The following TXNDC16 variants were observed in gnomAD, a reference collection of about 807,000 sequenced individuals.
TXNDC16 encodes thioredoxin domain-containing protein 16.
TXNDC16 carries 74 observed loss-of-function variants against 85.6 expected under a neutral mutation model. The ratio of observed to expected loss-of-function variants is 0.86; its 90% confidence interval spans 0.72 to 1.05. The LOEUF (loss-of-function observed/expected upper bound fraction) is 1.05, where lower values mean the gene tolerates loss of function less well. Ranked by LOEUF, TXNDC16 falls within the 50% of genes least tolerant of loss-of-function variation. The probability of loss-of-function intolerance (pLI) is 0.00; values close to 1 mark genes in which losing one functional copy is unlikely to be tolerated. For missense variants in TXNDC16, 959 were observed against 947.0 expected, an observed-to-expected ratio of 1.01 and a Z score of -0.17; for synonymous variants, 335 against 326.5, an observed-to-expected ratio of 1.03 and a Z score of -0.28.
intron 9 of TXNDC16, among the ~76,000 whole-genome samples, chr14:52,509,860 C>T (rs2036913442): frequency 6.6e-6 from 1 of 151,682 alleles, no homozygotes; most frequent in East Asian, 1.9e-4. Flanking sequence ...GGTGCCTGTA[C>T]TCCCAGCTAC....
chr14:52,548,661 C>A (rs541656525), intron 1 of TXNDC16, among the ~76,000 whole-genome samples: 1 of 152,088 alleles, frequency 6.6e-6, no homozygotes. Context: ...ACGGGTGGAT[C>A]ACCTGAGGTC....
intron 6 of TXNDC16, among the ~76,000 whole-genome samples, chr14:52,528,637 T>C (rs1018567820): frequency 2.0e-5 from 3 of 151,058 alleles, no homozygotes; most frequent in African/African-American, 7.3e-5. Flanking sequence ...AGAATATAAA[T>C]ACAAAAAAAT....
At chr14:52,552,103 G>T (rs1028989676) in intron 1 of TXNDC16, among the ~76,000 whole-genome samples, 2 of 152,146 alleles carry the variant, frequency 1.3e-5, no homozygotes, top group African/African-American at 4.8e-5. Context: ...CCCACAAAGG[G>T]CTCCGGTGTT....
chr14:52,490,957 G>C lies in TXNDC16; in HGVS notation c.805C>G (p.Leu269Val), dbSNP rs754901455. 1 of 1,590,790 alleles carries C rather than the reference G, an allele frequency of 6.3e-7. No individual in the cohort carries two copies. Among genetic ancestry groups the C allele is most frequent in the Non-Finnish European group, 8.6e-7 (1 of 1,167,800 alleles). Residue 269 changes from leucine to valine, a missense_variant, in exon 10 of 21, where the codon CTG becomes GTG. By Grantham distance (32) the Leu-to-Val change is conservative. Coordinates refer to ENST00000281741, the MANE Select transcript of TXNDC16 (RefSeq NM_020784.3). ...ACAATAAAAACCAGTGGTAAGCCCA[G>C]TTGGAGATGGACAGTTGAAACTTGT... ...PQQVSTVHLQLGLPLVFIVSQ... is the reference protein window; with the variant it reads ...PQQVSTVHLQVGLPLVFIVSQ...
At position 52,508,049 on chromosome 14, in the gene TXNDC16, G is replaced by GA. The variant is rs1326316918; in HGVS notation, c.756+3190dup. ...AACACCAAAAGCAATGGCAACAAAAGACAAAATTGACAAATGGGATCTAAT... is the reference window on the plus strand; with the variant it reads ...AACACCAAAAGCAATGGCAACAAAAGAACAAAATTGACAAATGGGATCTAAT... On this transcript the variant is annotated intron_variant, in intron 9 of 20. Transcript: ENST00000281741. Among the ~76,000 whole-genome samples the GA allele has an allele frequency of 5.3e-5, 8 of 152,236 alleles. No homozygotes were observed. The South Asian group carries it at 8.3e-4, about 16-fold the overall frequency.
chr14:52,482,809 G>A lies in TXNDC16; in HGVS notation c.1252+13C>T. 1 of 1,585,700 alleles carries A rather than the reference G, an allele frequency of 6.3e-7. No individual in the cohort carries two copies. Among genetic ancestry groups the A allele is most frequent in the South Asian group, 1.2e-5 (1 of 85,452 alleles). On this transcript the variant is annotated intron_variant, in intron 13 of 20. Transcript: ENST00000281741. ...TCCTAATATGTAACAGTCCTCTAAA[G>A]GCTCATACTCACAACCAGCATAGAA...
At chr14:52,536,577 A>G (rs2037705660) in intron 6 of TXNDC16, 142 bp downstream of exon 6, 3 of 767,372 alleles carry the variant, frequency 3.9e-6, no homozygotes, top group Non-Finnish European at 6.1e-6. Flanking sequence ...ATGTGGGAAG[A>G]TAGATTAGTA....
intron 16 of TXNDC16, among the ~76,000 whole-genome samples, chr14:52,464,097 TATC>T (rs1183858616): frequency 2.0e-5 from 3 of 152,362 alleles, no homozygotes; most frequent in Non-Finnish European, 4.4e-5. Context: ...ATGTACATTT[TATC>T]ATCATTTGTG....
chr14:52,521,135 C>T (rs989106908), intron 6 of TXNDC16, among the ~76,000 whole-genome samples: 26 of 151,026 alleles, frequency 1.7e-4, no homozygotes, highest in Admixed American at 9.2e-4. Context: ...TTTTTTGAGA[C>T]GAAGTCTTGC....
intron 9 of TXNDC16, among the ~76,000 whole-genome samples, chr14:52,492,550 T>C (rs1410482162): frequency 6.6e-6 from 1 of 152,166 alleles, no homozygotes; most frequent in African/African-American, 2.4e-5. Flanking sequence ...TGCAACAGTG[T>C]TGCCTGCCTC....
chr14:52,498,437 ACT>A (rs374959216), intron 9 of TXNDC16, among the ~76,000 whole-genome samples: 1 of 150,022 alleles, frequency 6.7e-6, no homozygotes. Context: ...ACACACACAC[ACT>A]CACACACACC....
At chr14:52,509,431 A>T (rs186956160) in intron 9 of TXNDC16, among the ~76,000 whole-genome samples, 134 of 152,182 alleles carry the variant, frequency 8.8e-4, no homozygotes, top group Admixed American at 3.2e-3. Flanking sequence ...ATGGAAGATT[A>T]AAACATATTC....
At chr14:52,481,490 C>T (rs2036149830) in intron 14 of TXNDC16, among the ~76,000 whole-genome samples, 1 of 152,108 alleles carries the variant, frequency 6.6e-6, no homozygotes, top group Non-Finnish European at 1.5e-5. Context: ...ATTTATGAAA[C>T]TCTATTATTC....
At chr14:52,530,512 T>A (rs187546956) in intron 6 of TXNDC16, among the ~76,000 whole-genome samples, 2 of 14,896 alleles carry the variant, frequency 1.3e-4, no homozygotes, top group Non-Finnish European at 2.5e-4. Flanking sequence ...TAATATATAT[T>A]ATTATATAAT....
chr14:52,498,432 C>T (rs12588865), intron 9 of TXNDC16, among the ~76,000 whole-genome samples: 33,882 of 151,526 alleles, frequency 0.22, 4,250 homozygotes, highest in East Asian at 0.32. Context: ...CACACACACA[C>T]ACACACTCAC....
chr14:52,480,563 T>G (rs2036120832), intron 14 of TXNDC16, among the ~76,000 whole-genome samples: 2 of 151,636 alleles, frequency 1.3e-5, no homozygotes, highest in African/African-American at 4.8e-5. Context: ...CTAATAAACA[T>G]GAAAAAATGC....
chr14:52,530,255 T>TCA (rs1555342433), intron 6 of TXNDC16, among the ~76,000 whole-genome samples: 1 of 51,160 alleles, frequency 2.0e-5, no homozygotes, highest in African/African-American at 1.1e-4. Flanking sequence ...ATAATATATA[T>TCA]TATATAATAT....
At chr14:52,497,880 CAA>C (rs36007755) in intron 9 of TXNDC16, among the ~76,000 whole-genome samples, 10,378 of 95,420 alleles carry the variant, frequency 0.11, 364 homozygotes, top group East Asian at 0.17. Context: ...GACTCTGTCT[CAA>C]AAAAAAAAAA....
chr14:52,434,645 C>A (rs2034985601), intron 20 of TXNDC16, among the ~76,000 whole-genome samples: 1 of 152,150 alleles, frequency 6.6e-6, no homozygotes, highest in African/African-American at 2.4e-5. Context: ...ACACCAGTGG[C>A]ACCATGTTAC....
Sources: allele counts gnomAD v4.1 joint callset (sites outside exome capture counted in the v4.1 genomes callset), GRCh38; gene constraint gnomAD v4.1.1; transcripts MANE v1.5; gene names NCBI Gene and HGNC (gene_info 2026-07-23, HGNC 2026-07-21).